ADCY4: variants seen among roughly 807,000 people sequenced by gnomAD.
The protein encoded by ADCY4 is adenylate cyclase 4.
ADCY4 carries 111 observed loss-of-function variants against 125.5 expected under a neutral mutation model. The observed-to-expected ratio is 0.88, with a 90% CI of 0.76 to 1.04. The LOEUF (loss-of-function observed/expected upper bound fraction) is 1.04, where lower values mean the gene tolerates loss of function less well. ADCY4 is among the 50% of genes least tolerant of loss of function. ADCY4 has a pLI of 0.00. For missense variants in ADCY4, 1,256 were observed against 1,382.9 expected (o/e 0.91, Z 1.46); for synonymous variants, 576 against 586.9 (o/e 0.98, Z 0.27).
chr14:24,319,411 C>A lies in ADCY4; in HGVS notation c.2759G>T (p.Gly920Val). Residue 920 changes from glycine (G) to valine (V), a missense_variant, in exon 22 of 25, where the codon GGG (glycine) becomes GTG (valine). Physicochemically the swap from Gly to Val is moderately radical, Grantham distance 109 (BLOSUM62 -3). Transcript: ENST00000418030. This position sits in a 1 kb window ranked among gnomAD's most constrained non-coding sequence, Gnocchi z 4.5. The part of the protein sequence containing the change: ...DELLSKPKFS[G>V]VEKIKTIGST... ...GCCGATGGTCTTGATCTTCTCCACC[C>A]CACTGAACTTGGGCTTGGAGAGCAG... The A allele has an allele frequency of 6.2e-7, 1 of 1,614,204 alleles. No individual in the cohort carries two copies. Among genetic ancestry groups the A allele is most frequent in the Non-Finnish European group, 8.5e-7 (1 of 1,180,032 alleles).
chr14:24,332,008 A>C, intron 3 of ADCY4, 71 bp from the exon 4 acceptor site: 1 of 1,431,234 alleles, frequency 7.0e-7, no homozygotes. Context: ...AGTTGGTCTC[A>C]AAGACTGGCT....
intron 10 of ADCY4, among the ~76,000 whole-genome samples, chr14:24,326,896 ATTTTT>A (rs3078135): frequency 4.5e-5 from 5 of 109,940 alleles, no homozygotes; most frequent in Admixed American, 2.0e-4. Context: ...ACCTGGCTGG[ATTTTT>A]TTTTTTTTTT....
rs775108173 is a variant in ADCY4 at position 24,322,931 on chromosome 14, CG to C, written c.2314del (p.Arg772AlafsTer14). The C allele has an allele frequency of 8.1e-6, 13 of 1,607,942 alleles. No homozygotes were observed. In the East Asian group the frequency reaches 2.9e-4, roughly 36 times the overall value. ...HAWLSECLIVRLYLGPLDSRP... is the reference protein window; with the variant it reads ...HAWLSECLIVXLYLGPLDSRP... The stretch of plus-strand genomic sequence containing the variant: ...GGAGTCCAAGGGGCCCAGATAGAGG[CG>C]GACGATGAGGCATTCCGACAGCCAG... On this transcript the variant is annotated frameshift_variant, in exon 18 of 25. Transcript: ENST00000418030. LOFTEE classifies it high-confidence loss of function.
chr14:24,319,242 C>T lies in ADCY4; in HGVS notation c.2842-30G>A. ...CAATGGGCCCGCCCACCAGGGTGGG[C>T]CAGTGAGGGCACAGGAATAAGTCCC... On this transcript the variant is annotated intron_variant, in intron 22 of 24. Transcript: ENST00000418030. This position sits in a 1 kb window ranked among gnomAD's most constrained non-coding sequence, Gnocchi z 4.5. The T allele has an allele frequency of 1.9e-6, 3 of 1,613,292 alleles. No homozygotes were observed. The highest frequency in any genetic ancestry group is 1.1e-5 in the South Asian group (1 of 91,064).
Position 24,319,959 on chromosome 14 carries a change from C to T in ADCY4, c.2587-71G>A. On this transcript the variant is annotated intron_variant, in intron 20 of 24. Transcript: ENST00000418030. The surrounding 1 kb of genome is among the most constrained non-coding windows in gnomAD (Gnocchi z 4.5). ...CTCCCTTCTAGAGGTCTGCGTGGGGCCCTCCTCCCCATGTCCACACTCCTG... is the reference window on the plus strand; with the variant it reads ...CTCCCTTCTAGAGGTCTGCGTGGGGTCCTCCTCCCCATGTCCACACTCCTG... 6.5e-7 allele frequency: 1 copy of T among 1,543,730 alleles called. No homozygotes were observed. The highest frequency in any genetic ancestry group is 1.2e-5 in the South Asian group (1 of 85,784).
intron 16 of ADCY4, chr14:24,323,719 C>T (rs2139201098): frequency 1.1e-6 from 1 of 932,762 alleles, no homozygotes; most frequent in East Asian, 1.2e-4. Context: ...GCCTTAGTTT[C>T]TTCTTCTGTA....
rs780015283 is a variant in ADCY4 at position 24,331,338 on chromosome 14, T to C, written c.688A>G (p.Ile230Val). ...KKHQEHLLLS[I>V]LPAYLAREMK... The stretch of plus-strand genomic sequence containing the variant: ...TCTCGGGCCAGGTAGGCAGGAAGGA[T>C]GGACAAGAGAAGGTGTTCCTGGAAG... The change falls in exon 5 of 25, where the codon ATC becomes GTC. Residue 230 changes from isoleucine to valine, a missense_variant. Coordinates refer to ENST00000418030, the MANE Select transcript of ADCY4 (RefSeq NM_001198568.2). 7 of 1,614,012 alleles carry C rather than the reference T, an allele frequency of 4.3e-6. No individual in the cohort carries two copies. Among genetic ancestry groups the C allele is most frequent in the Non-Finnish European group, 5.1e-6 (6 of 1,180,020 alleles).
At chr14:24,332,385 T>C in intron 3 of ADCY4, 137 bp downstream of exon 3, 2 of 1,020,684 alleles carry the variant, frequency 2.0e-6, no homozygotes, top group Admixed American at 2.7e-5. Context: ...GTACCAGCTC[T>C]GCGAAAGCAC....
chr14:24,332,364 A>G (rs1027135024), intron 3 of ADCY4, 158 bp downstream of exon 3: 13 of 811,516 alleles, frequency 1.6e-5, no homozygotes, highest in Admixed American at 9.2e-5. Context: ...CAGGCATTGC[A>G]TCACACTGTT....
rs756021946 is a variant in ADCY4, at chr14:24,318,605, C to T, written c.3082-37G>A. ...GGGGGGCGAGGGAATATGGAGGTGG[C>T]CCTATTCTTAGTCCCCCTCCCCCTA... On this transcript the variant is annotated intron_variant, in intron 24 of 24. Transcript: ENST00000418030. The T allele has an allele frequency of 1.9e-6, 3 of 1,614,018 alleles. No homozygotes were observed. The East Asian group carries it at 6.7e-5, about 36-fold the overall frequency.
Position 24,334,613 on chromosome 14 carries a change from C to T in ADCY4, c.40G>A (p.Asp14Asn), listed in dbSNP as rs1358212752. 1 of 1,561,436 alleles carries T rather than the reference C, an allele frequency of 6.4e-7. No homozygotes were observed. Among genetic ancestry groups the T allele is most frequent in the Non-Finnish European group, 8.7e-7 (1 of 1,155,582 alleles). Residue 14 changes from aspartate to asparagine, a missense_variant, in exon 1 of 25, where the codon GAC (aspartate) becomes AAC (asparagine). Transcript: ENST00000418030. ...CTGTAGTAGGTCTCGTAGAAGAGGT[C>T]TTCGCTGGGGGGCGGCCGGGGGCTG... ...LFSPRPPPSEDLFYETYYSLS... is the reference protein window; with the variant it reads ...LFSPRPPPSENLFYETYYSLS...
rs959018082 is a variant in ADCY4 at position 24,325,755 on chromosome 14, C to T, written c.1725+63G>A. 4 of 1,546,104 alleles carry T rather than the reference C, an allele frequency of 2.6e-6. No homozygotes were observed. The Admixed American group carries it at 5.8e-5, about 22-fold the overall frequency. On this transcript the variant is annotated intron_variant, in intron 13 of 24. Transcript: ENST00000418030. ...TGGGGAGGAGACCCAAGGGCTGACC[C>T]CTCCCCAGCACCAAGGAACTAAAGT... is the stretch of plus-strand genomic sequence containing the variant.
intron 10 of ADCY4, 46 bp from the exon 11 acceptor site, chr14:24,326,388 C>G: frequency 1.2e-6 from 2 of 1,609,758 alleles, no homozygotes; most frequent in Non-Finnish European, 1.7e-6. Flanking sequence ...GGTGTTTTCC[C>G]TGCAGTGAGG....
In ADCY4 at chr14:24,331,256, C is replaced by T. The variant is rs1351121011; in HGVS notation, c.770G>A (p.Ser257Asn). The change falls in exon 5 of 25, where the codon AGC becomes AAC. Residue 257 changes from serine to asparagine, a missense_variant. Ser to Asn is a conservative substitution (Grantham distance 46). Coordinates refer to ENST00000418030, the MANE Select transcript of ADCY4 (RefSeq NM_001198568.2). ...ATAGAGGCTGTGGAAATTGTTAGTG[C>T]TCTCTGGCCGTGACCCCTGTCCTGC... ...LQAGQGSRPE[S>N]TNNFHSLYVK... 6.2e-7 allele frequency: 1 copy of T among 1,614,172 alleles called. No individual in the cohort carries two copies. Among genetic ancestry groups the T allele is most frequent in the Non-Finnish European group, 8.5e-7 (1 of 1,180,030 alleles).
At chr14:24,333,767 CG>C (rs893327229) in intron 1 of ADCY4, among the ~76,000 whole-genome samples, 2 of 152,178 alleles carry the variant, frequency 1.3e-5, no homozygotes, top group African/African-American at 4.8e-5. Flanking sequence ...GCTTGAAGGG[CG>C]GCGCGAGGCA....
At position 24,332,682 on chromosome 14, in the gene ADCY4, A is replaced by G; in HGVS notation, c.359T>C (p.Val120Ala). Reference sequence around the variant, plus strand: ...GAAGATGACGAAGAGAAAATAGGACACCTGGGGGCGGGGCGCGGGAAGCCG... The same window carrying G: ...GAAGATGACGAAGAGAAAATAGGACGCCTGGGGGCGGGGCGCGGGAAGCCG... Reference protein sequence around the residue: ...TGGVVSAWDQVSYFLFVIFTA... With the variant: ...TGGVVSAWDQASYFLFVIFTA... Residue 120 changes from valine to alanine, a missense_variant and splice_region_variant, in exon 3 of 25, where the codon GTG (valine) becomes GCG (alanine). By Grantham distance (64) the Val-to-Ala change is moderately conservative. Coordinates refer to ENST00000418030, the MANE Select transcript of ADCY4 (RefSeq NM_001198568.2). 1 of 1,584,778 alleles carries G rather than the reference A, an allele frequency of 6.3e-7. No individual in the cohort carries two copies. The highest frequency in any genetic ancestry group is 2.3e-5 in the East Asian group (1 of 43,688).
chr14:24,323,226 GGT>G (rs2041884289), intron 17 of ADCY4, 116 bp downstream of exon 17: 1 of 1,370,542 alleles, frequency 7.3e-7, no homozygotes, highest in African/African-American at 1.4e-5. Context: ...ATACACACTG[GGT>G]GTGACTTATG....
At chr14:24,324,637 TG>T (rs1352602097) in intron 14 of ADCY4, among the ~76,000 whole-genome samples, 2 of 151,272 alleles carry the variant, frequency 1.3e-5, no homozygotes, top group African/African-American at 4.8e-5. Context: ...CTCACAAGAA[TG>T]GCTGAGGCTA....
rs540961553 is a variant in ADCY4, at chr14:24,330,204, C to T, written c.1022G>A (p.Cys341Tyr). ...GCACATGTCCAGGCCCATGCGCACG[C>T]AGTTGATGGCATGGTCTGGCAGTGA... The part of the protein sequence containing the change: ...PLSLPDHAIN[C>Y]VRMGLDMCRA... The change falls in exon 7 of 25, where the codon TGC becomes TAC. Residue 341 changes from cysteine (C) to tyrosine (Y), a missense_variant. Cys to Tyr is a radical substitution (Grantham distance 194). Transcript: ENST00000418030. The T allele has an allele frequency of 2.5e-6, 4 of 1,614,182 alleles. No homozygotes were observed. In the South Asian group the frequency reaches 4.4e-5, roughly 18 times the overall value.
Sources: allele counts gnomAD v4.1 joint callset (sites outside exome capture counted in the v4.1 genomes callset), GRCh38; gene constraint gnomAD v4.1.1; non-coding constraint Gnocchi (gnomAD v3.1); transcripts MANE v1.5; gene names NCBI Gene and HGNC (gene_info 2026-07-23, HGNC 2026-07-21).